NAV2: variants seen among roughly 807,000 people sequenced by gnomAD.
The protein encoded by NAV2 is neuron navigator 2.
Under a neutral mutation model 223.2 loss-of-function variants are expected in NAV2, and 54 were observed. The ratio of observed to expected loss-of-function variants is 0.24; its 90% CI spans 0.19 to 0.30. NAV2 has a LOEUF of 0.30. NAV2 is among the 10% of genes least tolerant of loss of function. The pLI, the probability that NAV2 is intolerant of heterozygous loss-of-function variation, is 1.00. For synonymous variants in NAV2, 1,279 were observed against 1,239.3 expected (o/e 1.03, Z -0.67); for missense variants, 2,806 against 3,147.5 (o/e 0.89, Z 2.60).
intron 1 of NAV2, among the ~76,000 whole-genome samples, chr11:19,434,698 G>A (rs1381041818): frequency 1.3e-5 from 2 of 152,150 alleles, no homozygotes; most frequent in African/African-American, 4.8e-5. Context: ...TGAACTGGGA[G>A]GTGGAGTCAA....
intron 10 of NAV2, among the ~76,000 whole-genome samples, chr11:19,969,977 T>G (rs528384759): frequency 6.6e-6 from 1 of 152,046 alleles, no homozygotes; most frequent in East Asian, 1.9e-4. Context: ...AAAAAGAAAT[T>G]AACAACAGTA....
chr11:19,844,164 G>T (rs2060657999), intron 3 of NAV2, among the ~76,000 whole-genome samples: 1 of 152,184 alleles, frequency 6.6e-6, no homozygotes, highest in East Asian at 1.9e-4. Context: ...TATTTTTGCT[G>T]CAGCTACTGC....
At chr11:19,766,372 G>A (rs1194436323) in intron 1 of NAV2, among the ~76,000 whole-genome samples, 4 of 152,134 alleles carry the variant, frequency 2.6e-5, no homozygotes, top group African/African-American at 7.2e-5. Flanking sequence ...TGGTGATGGG[G>A]GTAGAGGAGA....
At chr11:19,551,842 A>G (rs1222673466) in intron 1 of NAV2, among the ~76,000 whole-genome samples, 1 of 151,836 alleles carries the variant, frequency 6.6e-6, no homozygotes, top group Non-Finnish European at 1.5e-5. Flanking sequence ...TCCTTTTCCT[A>G]GCCTTTCTTT....
At chr11:19,884,428 T>G in intron 5 of NAV2, 1 of 1,407,168 alleles carries the variant, frequency 7.1e-7, no homozygotes, top group East Asian at 2.3e-5. Context: ...TTGTTCCCTC[T>G]GTTCTGGCTG....
intron 11 of NAV2, among the ~76,000 whole-genome samples, chr11:20,009,704 C>G (rs1392418755): frequency 6.6e-6 from 1 of 152,064 alleles, no homozygotes; most frequent in Non-Finnish European, 1.5e-5. Flanking sequence ...GATCTGGCTC[C>G]TGCTATTCTT....
rs149947439 is a variant in NAV2, at chr11:19,565,182, C to A, written c.75+214155C>A. ...AATGGCACCGGCCGCCTAGTGTGTG[C>A]CCAGTATGTTGCCGGGATCCATCGC... On this transcript the variant is annotated intron_variant, in intron 1 of 37. Coordinates refer to the NAV2 transcript ENST00000360655. 9.3e-3 allele frequency among the ~76,000 whole-genome samples: 1,419 copies of A among 152,252 alleles called. 25 individuals carry two copies. Among genetic ancestry groups the A allele is most frequent in the African/African-American group, 0.033 (1,368 of 41,554 alleles).
chr11:20,050,585 A>C (rs1017879892), intron 16 of NAV2, among the ~76,000 whole-genome samples: 2 of 151,904 alleles, frequency 1.3e-5, no homozygotes, highest in Non-Finnish European at 2.9e-5. Flanking sequence ...AAAAAAAAAA[A>C]AAAAAACCTT....
chr11:19,527,171 A>G (rs1489169405), intron 1 of NAV2, among the ~76,000 whole-genome samples: 1 of 152,074 alleles, frequency 6.6e-6, no homozygotes, highest in Non-Finnish European at 1.5e-5. Context: ...TAACTGAATC[A>G]TGAGGGCAGT....
In NAV2 at chr11:19,963,057, A is replaced by G. The variant is rs150133118; in HGVS notation, c.2645+13977A>G. 2.7e-3 allele frequency among the ~76,000 whole-genome samples: 409 copies of G among 152,354 alleles called. 4 individuals carry two copies. Among genetic ancestry groups the G allele is most frequent in the African/African-American group, 9.3e-3 (386 of 41,586 alleles). ...ACGAAATAAATGTGGTGTTGGCTCT[A>G]TAGAGAAGGGGGAAGGCCACAGAGG... On this transcript the variant is annotated intron_variant, in intron 10 of 37. Transcript: ENST00000349880.
At chr11:19,654,744 G>C (rs542541849) in intron 1 of NAV2, among the ~76,000 whole-genome samples, 177 of 152,278 alleles carry the variant, frequency 1.2e-3, no homozygotes, top group African/African-American at 3.8e-3. Flanking sequence ...ATTAATTCAA[G>C]ATGGATTAAA....
chr11:20,068,138 A>G (rs1564975531), intron 20 of NAV2, 48 bp from the exon 21 acceptor site: 2 of 1,573,318 alleles, frequency 1.3e-6, no homozygotes, highest in Non-Finnish European at 1.7e-6. Context: ...GGACTACACT[A>G]TTCTTTGTTC....
chr11:19,349,631 G>T (rs1040792341), upstream of NAV2, among the ~76,000 whole-genome samples: 2 of 152,168 alleles, frequency 1.3e-5, no homozygotes, highest in African/African-American at 4.8e-5. Context: ...GAGCTCCCCA[G>T]CCCCCATTCC....
chr11:19,903,133 G>A (rs2042585134), intron 6 of NAV2, among the ~76,000 whole-genome samples: 1 of 152,216 alleles, frequency 6.6e-6, no homozygotes, highest in Non-Finnish European at 1.5e-5. Flanking sequence ...CCATCAACGT[G>A]TGCATTTCAT....
At chr11:20,103,016 C>T (rs1434136539) in intron 32 of NAV2, among the ~76,000 whole-genome samples, 2 of 152,200 alleles carry the variant, frequency 1.3e-5, no homozygotes, top group African/African-American at 4.8e-5. Flanking sequence ...GGTTTCCACT[C>T]ATCAGGTGAA....
chr11:19,789,220 G>A (rs74493660), intron 1 of NAV2, among the ~76,000 whole-genome samples: 10,667 of 152,242 alleles, frequency 0.07, 411 homozygotes, highest in Middle Eastern at 0.1. Flanking sequence ...TAGCTTCTCA[G>A]TACTGTTAGT....
At chr11:19,666,994 C>A (rs1289870516) in intron 1 of NAV2, among the ~76,000 whole-genome samples, 1 of 152,138 alleles carries the variant, frequency 6.6e-6, no homozygotes, top group Non-Finnish European at 1.5e-5. Context: ...ATGCCGCTTC[C>A]TCCAGAAGGC....
chr11:20,048,973 C>A lies in NAV2; in HGVS notation c.4148C>A (p.Thr1383Asn), dbSNP rs1349584381. Residue 1383 changes from threonine (T) to asparagine (N), a missense_variant, in exon 15 of 38, where the codon ACC (threonine) becomes AAC (asparagine). Thr to Asn is a moderately conservative substitution (Grantham distance 65). This residue lies in a region of NAV2 where 742 missense variants were observed against 777.9 expected (regional missense o/e 0.95). Coordinates refer to ENST00000349880, the MANE Select transcript of NAV2 (RefSeq NM_145117.5). ...SAHSAPSNSL[T>N]WGTNASSSSA... Reference sequence around the variant, plus strand: ...CACTCGGCCCCTTCCAACAGCCTCACCTGGGGCACCAACGCCAGCAGCTCC... The same window carrying A: ...CACTCGGCCCCTTCCAACAGCCTCAACTGGGGCACCAACGCCAGCAGCTCC... 2 of 1,614,170 alleles carry A rather than the reference C, an allele frequency of 1.2e-6. No homozygotes were observed. Among genetic ancestry groups the A allele is most frequent in the South Asian group, 1.1e-5 (1 of 91,082 alleles).
chr11:19,768,501 TAGA>T (rs1359889209), intron 1 of NAV2, among the ~76,000 whole-genome samples: 1 of 150,786 alleles, frequency 6.6e-6, no homozygotes, highest in Non-Finnish European at 1.5e-5. Flanking sequence ...GGAAAAGAGG[TAGA>T]AGAAGTATTG....
Sources: allele counts gnomAD v4.1 joint callset (sites outside exome capture counted in the v4.1 genomes callset), GRCh38; gene constraint gnomAD v4.1.1; regional missense constraint gnomAD v4.1.1; transcripts MANE v1.5; gene names NCBI Gene and HGNC (gene_info 2026-07-23, HGNC 2026-07-21).